The following MTDH variants were observed in gnomAD, a reference collection of about 807,000 sequenced individuals.
MTDH encodes the protein protein LYRIC.
Under a neutral mutation model 72.7 loss-of-function variants are expected in MTDH, and 34 were observed. That is an observed-to-expected ratio of 0.47 (90% CI 0.36 to 0.62). The LOEUF is 0.62. Among genes scored for constraint, MTDH ranks in the 20% least tolerant of loss-of-function variants. The pLI is 0.00. For missense variants in MTDH, 677 were observed against 699.4 expected (o/e 0.97, Z 0.36); for synonymous variants, 266 against 268.9 (o/e 0.99, Z 0.10).
rs35895126 is a variant in MTDH, at chr8:97,678,594, C to CTTTTTTTTTTTTTTTTTT, written c.484-8067_484-8050dup. Among the ~76,000 whole-genome samples, 24 of 85,322 alleles carry CTTTTTTTTTTTTTTTTTT rather than the reference C, an allele frequency of 2.8e-4. 2 individuals carry two copies. The highest frequency in any genetic ancestry group is 9.0e-4 in the African/African-American group (18 of 20,008). The allele number at this position is 85,322 out of a possible 152,430, so 56.0% of individuals were successfully genotyped here. On this transcript the variant is annotated intron_variant, in intron 2 of 11. Transcript: ENST00000336273. ...GTTTCCTTTGCTTCCTTCCTTCCTT[C>CTTTTTTTTTTTTTTTTTT]TTTTTTTTTTTTTTTTTTTTTTTTG...
chr8:97,670,847 C>T (rs1466035793), intron 2 of MTDH, among the ~76,000 whole-genome samples: 2 of 151,956 alleles, frequency 1.3e-5, no homozygotes. Context: ...ACCTCCGCCA[C>T]CTGGGTTCGA....
At chr8:97,696,225 G>A (rs1813828737) in intron 6 of MTDH, 1 of 985,234 alleles carries the variant, frequency 1.0e-6, no homozygotes, top group African/African-American at 1.7e-5. Flanking sequence ...AGTGTGGATA[G>A]GGGAATGAAT....
intron 6 of MTDH, among the ~76,000 whole-genome samples, chr8:97,694,351 C>G (rs1344942617): frequency 1.3e-5 from 2 of 152,056 alleles, no homozygotes; most frequent in East Asian, 3.9e-4. Flanking sequence ...GCGTGCGCCA[C>G]CACGCCTGGC....
intron 8 of MTDH, among the ~76,000 whole-genome samples, chr8:97,708,679 A>G (rs1457974050): frequency 8.6e-6 from 1 of 116,534 alleles, no homozygotes; most frequent in Non-Finnish European, 1.6e-5. Flanking sequence ...GGCTCTCTGC[A>G]ACCTCCACCT....
At chr8:97,682,930 G>A (rs1227643586) in intron 2 of MTDH, among the ~76,000 whole-genome samples, 1 of 149,710 alleles carries the variant, frequency 6.7e-6, no homozygotes, top group Non-Finnish European at 1.5e-5. Context: ...GATTAAATTT[G>A]TATTTAGAGT....
intron 2 of MTDH, among the ~76,000 whole-genome samples, chr8:97,678,857 C>T (rs968853252): frequency 3.9e-5 from 6 of 152,064 alleles, no homozygotes; most frequent in African/African-American, 4.8e-5. Context: ...TGCCCCTTCA[C>T]GCTTAAGGAA....
intron 2 of MTDH, among the ~76,000 whole-genome samples, chr8:97,666,127 CAAA>C (rs1232775004): frequency 5.9e-5 from 4 of 68,224 alleles, no homozygotes; most frequent in Non-Finnish European, 9.6e-5. Flanking sequence ...GACTCCGTCT[CAAA>C]AAAAAAAAAA....
rs953925410 is a variant in MTDH, at chr8:97,723,753, G to A, written c.1678+718G>A. Among the ~76,000 whole-genome samples the A allele has an allele frequency of 8.6e-5, 13 of 150,402 alleles. No homozygotes were observed. In the East Asian group the frequency reaches 1.6e-3, roughly 18 times the overall value. On this transcript the variant is annotated intron_variant, in intron 11 of 11. Coordinates refer to ENST00000336273, the MANE Select transcript of MTDH (RefSeq NM_178812.4). ...GCAAGACTCTGTCTCAAAAAAAAAAGAGAAAATGCTAAATTTTTTGGACGT... is the reference window on the plus strand; with the variant it reads ...GCAAGACTCTGTCTCAAAAAAAAAAAAGAAAATGCTAAATTTTTTGGACGT...
chr8:97,706,681 G>A lies in MTDH; in HGVS notation c.1203G>A (p.Trp401Ter), dbSNP rs3211326. 2 of 1,613,602 alleles carry A rather than the reference G, an allele frequency of 1.2e-6. No homozygotes were observed. The highest frequency in any genetic ancestry group is 1.3e-5 in the African/African-American group (1 of 74,876). The change falls in exon 8 of 12, where the codon TGG becomes TGA. Residue 401 changes from tryptophan (W) to a stop codon, truncating the protein, a stop_gained. Transcript: ENST00000336273. LOFTEE classifies it high-confidence loss of function. ...ATTGGAATGCACCAGCAGAAGAGTGGGGCAATTGGGTAGACGAAGAAAGAG... is the reference window on the plus strand; with the variant it reads ...ATTGGAATGCACCAGCAGAAGAGTGAGGCAATTGGGTAGACGAAGAAAGAG... ...NSDWNAPAEE[W>*]GNWVDEERAS...
At chr8:97,671,890 G>T (rs935556048) in intron 2 of MTDH, among the ~76,000 whole-genome samples, 6 of 152,088 alleles carry the variant, frequency 3.9e-5, no homozygotes. Flanking sequence ...ATACATTTTA[G>T]GAATCTAAAA....
chr8:97,709,206 AAAAC>A (rs995193050), intron 8 of MTDH, among the ~76,000 whole-genome samples: 3 of 152,064 alleles, frequency 2.0e-5, no homozygotes, highest in Non-Finnish European at 4.4e-5. Flanking sequence ...AAAAAAAAAA[AAAAC>A]CACCAGATAT....
chr8:97,644,718 G>A lies in MTDH; in HGVS notation c.212G>A (p.Trp71Ter). The change falls in exon 1 of 12, where the codon TGG becomes TAG. Residue 71 changes from tryptophan (W) to a stop codon, truncating the protein, a stop_gained. Transcript: ENST00000336273. LOFTEE classifies it high-confidence loss of function. ...LLLLFLLGYG[W>*]AAACAGARKK... ...CTGCTGTTTCTGCTGGGCTACGGCT[G>A]GGCCGCGGCTTGCGCCGGCGCCCGC... 6.3e-7 allele frequency: 1 copy of A among 1,588,762 alleles called. No homozygotes were observed. The highest frequency in any genetic ancestry group is 8.5e-7 in the Non-Finnish European group (1 of 1,172,056).
chr8:97,646,795 A>G (rs1811580920), intron 1 of MTDH, among the ~76,000 whole-genome samples: 1 of 152,232 alleles, frequency 6.6e-6, no homozygotes, highest in South Asian at 2.1e-4. Flanking sequence ...GAGAATGGGA[A>G]GACTGTATGG....
At chr8:97,668,636 C>T (rs1423818833) in intron 2 of MTDH, among the ~76,000 whole-genome samples, 5 of 151,972 alleles carry the variant, frequency 3.3e-5, no homozygotes, top group Non-Finnish European at 7.4e-5. Context: ...CTCACTGCAA[C>T]CTCTGCCTCC....
chr8:97,661,899 G>A (rs1812183045), intron 2 of MTDH, among the ~76,000 whole-genome samples: 1 of 148,150 alleles, frequency 6.7e-6, no homozygotes, highest in Admixed American at 6.8e-5. Context: ...CTCCAGCCTG[G>A]GCACCCGAGA....
At chr8:97,698,140 G>A (rs1813946951) in intron 6 of MTDH, among the ~76,000 whole-genome samples, 1 of 152,182 alleles carries the variant, frequency 6.6e-6, no homozygotes, top group South Asian at 2.1e-4. Flanking sequence ...TAGTAGTAAG[G>A]ACTCACGTGG....
intron 1 of MTDH, among the ~76,000 whole-genome samples, chr8:97,657,919 T>C (rs950265133): frequency 2.0e-5 from 3 of 152,204 alleles, no homozygotes; most frequent in Non-Finnish European, 4.4e-5. Flanking sequence ...CTATATAATA[T>C]GCTCCCATTT....
chr8:97,656,850 A>C (rs1811997726), intron 1 of MTDH, among the ~76,000 whole-genome samples: 1 of 151,858 alleles, frequency 6.6e-6, no homozygotes, highest in Admixed American at 6.6e-5. Context: ...AAATACAAAA[A>C]TTAGCCAGGC....
At chr8:97,664,372 A>G (rs1279464956) in intron 2 of MTDH, among the ~76,000 whole-genome samples, 1 of 151,686 alleles carries the variant, frequency 6.6e-6, no homozygotes, top group Non-Finnish European at 1.5e-5. Context: ...AAAAAAATGG[A>G]TGCAGTTTCT....
Sources: allele counts gnomAD v4.1 joint callset (sites outside exome capture counted in the v4.1 genomes callset), GRCh38; gene constraint gnomAD v4.1.1; transcripts MANE v1.5; gene names NCBI Gene and HGNC (gene_info 2026-07-23, HGNC 2026-07-21).